IL12RB1: variants seen among roughly 807,000 people sequenced by gnomAD.
IL12RB1 encodes interleukin-12 receptor subunit beta-1.
Under a neutral mutation model 94.4 loss-of-function variants are expected in IL12RB1, and 64 were observed. The observed-to-expected ratio is 0.68, with a 90% CI of 0.55 to 0.83. The LOEUF (loss-of-function observed/expected upper bound fraction) is 0.83, where lower values mean the gene tolerates loss of function less well. Among genes scored for constraint, IL12RB1 ranks in the 40% least tolerant of loss-of-function variants. IL12RB1 has a pLI of 0.00. For synonymous variants in IL12RB1, 362 were observed against 355.5 expected (o/e 1.02, Z -0.21); for missense variants, 814 against 855.6 (o/e 0.95, Z 0.61).
At chr19:18,095,074 G>C (rs1192810509) in intron 1 of IL12RB1, among the ~76,000 whole-genome samples, 1 of 151,662 alleles carries the variant, frequency 6.6e-6, no homozygotes, top group Non-Finnish European at 1.5e-5. Flanking sequence ...AGCTACTCAG[G>C]AGGCTGAGGC....
intron 16 of IL12RB1, 49 bp downstream of exon 16, chr19:18,059,845 C>T: frequency 1.8e-6 from 2 of 1,107,572 alleles, no homozygotes; most frequent in Non-Finnish European, 2.7e-6. Context: ...CCCCCCACCC[C>T]CCGGGCAGGG....
At position 18,061,272 on chromosome 19, in the gene IL12RB1, C is replaced by T. The variant is rs149635968; in HGVS notation, c.1716-75G>A. 6,498 of 758,618 alleles carry T rather than the reference C, an allele frequency of 8.6e-3. 248 individuals carry two copies. The highest frequency in any genetic ancestry group is 0.076 in the South Asian group (4,346 of 56,964). 47.0% of individuals were successfully genotyped at this position (758,618 alleles called of 1,614,324 possible). On this transcript the variant is annotated intron_variant, in intron 14 of 16. Coordinates refer to ENST00000593993, the MANE Select transcript of IL12RB1 (RefSeq NM_005535.3). ...TGGAGACGGAGTCTTGCTCTGTTGCCCAGGCTGGAGTGCAGTGGCGCGATC... is the reference window on the plus strand; with the variant it reads ...TGGAGACGGAGTCTTGCTCTGTTGCTCAGGCTGGAGTGCAGTGGCGCGATC...
rs756392238 is a variant in IL12RB1, at chr19:18,075,801, C to T, written c.648G>A (p.Gly216=). 1.9e-6 allele frequency: 3 copies of T among 1,612,674 alleles called. No homozygotes were observed. The highest frequency in any genetic ancestry group is 2.5e-6 in the Non-Finnish European group (3 of 1,178,834). Residue 216 remains glycine, a synonymous_variant, in exon 7 of 17, where the codon GGG becomes GGA. Coordinates refer to ENST00000593993, the MANE Select transcript of IL12RB1 (RefSeq NM_005535.3). ...ACTTGCTCCAGGAACTTCCTTGGCTCCCCAGCTGCCGTCGTCGGAGCTGGA... is the reference window on the plus strand; with the variant it reads ...ACTTGCTCCAGGAACTTCCTTGGCTTCCCAGCTGCCGTCGTCGGAGCTGGA... The part of the protein sequence containing the change: ...QEFQLRRRQL[G]SQGSSWSKWS...
chr19:18,079,973 C>T (rs943816139), intron 4 of IL12RB1, among the ~76,000 whole-genome samples: 6 of 152,212 alleles, frequency 3.9e-5, no homozygotes, highest in Non-Finnish European at 7.3e-5. Flanking sequence ...GCCTGGCTTA[C>T]TTCACTCAGC....
At chr19:18,076,433 C>A in intron 5 of IL12RB1, 106 bp from the exon 6 acceptor site, 2 of 715,738 alleles carry the variant, frequency 2.8e-6, no homozygotes, top group Non-Finnish European at 5.1e-6. Flanking sequence ...GACACGGTCT[C>A]ACTCTGTCAT....
chr19:18,084,868 G>A (rs561194790), intron 1 of IL12RB1, among the ~76,000 whole-genome samples: 18 of 152,366 alleles, frequency 1.2e-4, no homozygotes, highest in African/African-American at 4.1e-4. Context: ...CAACAGTCTG[G>A]AGGGCAGAGA....
intron 3 of IL12RB1, among the ~76,000 whole-genome samples, chr19:18,081,742 C>T (rs2035915590): frequency 6.6e-6 from 1 of 151,944 alleles, no homozygotes; most frequent in Admixed American, 6.6e-5. Context: ...ATCACTCTAA[C>T]TCAGGAGGCA....
chr19:18,061,066 C>T, intron 15 of IL12RB1, 56 bp downstream of exon 15: 2 of 920,268 alleles, frequency 2.2e-6, no homozygotes, highest in Non-Finnish European at 3.5e-6. Context: ...ATGCGTAACC[C>T]TTGTCCAGCA....
At chr19:18,069,416 T>C (rs979747755) in intron 10 of IL12RB1, 130 bp downstream of exon 10, 27 of 890,258 alleles carry the variant, frequency 3.0e-5, no homozygotes, top group East Asian at 2.7e-5. Flanking sequence ...CTGTATGACA[T>C]TGAGTAAGCA....
intron 16 of IL12RB1, 123 bp from the exon 17 acceptor site, chr19:18,059,736 T>C: frequency 3.4e-5 from 25 of 746,164 alleles, no homozygotes; most frequent in South Asian, 3.0e-4. Flanking sequence ...CCGTTGTGAT[T>C]GAGATAGTCG....
chr19:18,061,848 G>GTA (rs1437576473), intron 14 of IL12RB1, among the ~76,000 whole-genome samples: 1 of 114,392 alleles, frequency 8.7e-6, no homozygotes, highest in Non-Finnish European at 1.9e-5. Flanking sequence ...GGGTAACAGA[G>GTA]TAAGACTCCA....
chr19:18,084,402 TAATC>T (rs1427062055), intron 1 of IL12RB1, among the ~76,000 whole-genome samples: 8 of 126,300 alleles, frequency 6.3e-5, no homozygotes, highest in East Asian at 2.4e-4. Context: ...ATCCATGTAT[TAATC>T]CATCCATCCA....
intron 9 of IL12RB1, 150 bp downstream of exon 9, chr19:18,071,962 G>A (rs1276523667): frequency 7.4e-6 from 5 of 674,920 alleles, no homozygotes; most frequent in African/African-American, 5.3e-5. Context: ...ACCGTGCCTG[G>A]CTGATTACTG....
intron 1 of IL12RB1, among the ~76,000 whole-genome samples, chr19:18,092,515 A>G (rs776773409): frequency 2.0e-5 from 3 of 151,906 alleles, no homozygotes; most frequent in African/African-American, 4.8e-5. Context: ...AAATAAAAAT[A>G]CAAAATTAGC....
intron 6 of IL12RB1, 29 bp from the exon 7 acceptor site, chr19:18,075,897 C>T (rs146836761): frequency 8.1e-6 from 13 of 1,610,026 alleles, no homozygotes; most frequent in Admixed American, 1.7e-5. Flanking sequence ...AACATCAGGC[C>T]GTAAGAATTG....
chr19:18,098,387 C>G (rs2037197691), intron 1 of IL12RB1, among the ~76,000 whole-genome samples: 1 of 152,152 alleles, frequency 6.6e-6, no homozygotes, highest in Admixed American at 6.6e-5. Flanking sequence ...GCGCCCTCAA[C>G]CAGCTCTCTT....
intron 3 of IL12RB1, among the ~76,000 whole-genome samples, chr19:18,081,939 C>A (rs1329793589): frequency 6.6e-6 from 1 of 151,962 alleles, no homozygotes; most frequent in Non-Finnish European, 1.5e-5. Flanking sequence ...ACTAGAGAGA[C>A]CCTCATGGCC....
intron 11 of IL12RB1, among the ~76,000 whole-genome samples, 158 bp from the exon 12 acceptor site, chr19:18,066,855 C>T (rs545429134): frequency 1.1e-4 from 16 of 151,840 alleles, no homozygotes; most frequent in Admixed American, 9.2e-4. Context: ...GGCAAAACCC[C>T]TTCTCTACTA....
At chr19:18,060,582 T>G (rs957292593) in intron 15 of IL12RB1, among the ~76,000 whole-genome samples, 4 of 152,054 alleles carry the variant, frequency 2.6e-5, no homozygotes, top group African/African-American at 9.7e-5. Context: ...CTCCCTCTTT[T>G]CACAGATGGT....
Sources: allele counts gnomAD v4.1 joint callset (sites outside exome capture counted in the v4.1 genomes callset), GRCh38; gene constraint gnomAD v4.1.1; transcripts MANE v1.5; gene names NCBI Gene and HGNC (gene_info 2026-07-23, HGNC 2026-07-21).